Variants in TAFA1 observed in about 807,000 individuals in gnomAD.
TAFA1 encodes TAFA chemokine like family member 1.
A neutral mutation model predicts 18.5 loss-of-function variants in TAFA1; 4 were observed. That is an observed-to-expected ratio of 0.22 (90% CI 0.11 to 0.49). The LOEUF (loss-of-function observed/expected upper bound fraction) is 0.49, where lower values mean the gene tolerates loss of function less well. Among genes scored for constraint, TAFA1 ranks in the 20% least tolerant of loss-of-function variants. The pLI is 0.98. For synonymous variants in TAFA1, 56 were observed against 55.2 expected, an observed-to-expected ratio of 1.01 and a Z score of -0.06; for missense variants, 147 against 169.0, an observed-to-expected ratio of 0.87 and a Z score of 0.72.
intron 2 of TAFA1, among the ~76,000 whole-genome samples, chr3:68,216,250 C>T (rs1011292917): frequency 1.3e-5 from 2 of 151,888 alleles, no homozygotes; most frequent in African/African-American, 4.8e-5. Flanking sequence ...TATGACAAAA[C>T]GCATTTGTCA....
At chr3:68,472,885 A>C (rs1207354548) in intron 3 of TAFA1, among the ~76,000 whole-genome samples, 2 of 152,182 alleles carry the variant, frequency 1.3e-5, no homozygotes, top group African/African-American at 4.8e-5. Context: ...TCAAGCTTTA[A>C]GCAGAAATAT....
chr3:68,473,302 C>T (rs1455974398), intron 3 of TAFA1, among the ~76,000 whole-genome samples: 2 of 152,178 alleles, frequency 1.3e-5, no homozygotes, highest in Non-Finnish European at 2.9e-5. Context: ...TAAGCTTCTT[C>T]CCATTGACCT....
intron 2 of TAFA1, among the ~76,000 whole-genome samples, chr3:68,339,209 C>G (rs2069037434): frequency 6.6e-6 from 1 of 152,232 alleles, no homozygotes; most frequent in South Asian, 2.1e-4. Context: ...TCCTTTTCTT[C>G]TCATGCTCAC....
intron 2 of TAFA1, among the ~76,000 whole-genome samples, chr3:68,401,431 G>C (rs187422156): frequency 6.6e-6 from 1 of 152,108 alleles, no homozygotes; most frequent in Admixed American, 6.6e-5. Flanking sequence ...AGAGAAAAAC[G>C]CATTGACTGG....
intron 2 of TAFA1, among the ~76,000 whole-genome samples, chr3:68,377,807 G>A (rs2069848291): frequency 6.6e-6 from 1 of 152,132 alleles, no homozygotes; most frequent in African/African-American, 2.4e-5. Flanking sequence ...TGCAGCATCA[G>A]GATTTTGTGC....
rs1487016320 is a variant in TAFA1, at chr3:68,146,607, A to C, written c.118+139863A>C. Reference sequence around the variant, plus strand: ...AAAGTCCTGCTATTTTTTAAAAAACATGTTTCTTATGGTTTACTCTAGAAT... The same window carrying C: ...AAAGTCCTGCTATTTTTTAAAAAACCTGTTTCTTATGGTTTACTCTAGAAT... On this transcript the variant is annotated intron_variant, in intron 2 of 4. Transcript: ENST00000478136. 4.6e-5 allele frequency among the ~76,000 whole-genome samples: 7 copies of C among 152,336 alleles called. No individual in the cohort carries two copies. The East Asian group carries it at 9.7e-4, about 21-fold the overall frequency.
Position 68,226,516 on chromosome 3 carries a change from A to C in TAFA1, c.119-190764A>C, listed in dbSNP as rs555906697. The stretch of plus-strand genomic sequence containing the variant: ...TTGGTGAAGTTCCAATATAGGAGAC[A>C]CAAGTGGTTAATGAAAATAAAACTT... On this transcript the variant is annotated intron_variant, in intron 2 of 4. Coordinates refer to ENST00000478136, the MANE Select transcript of TAFA1 (RefSeq NM_213609.4). 1.1e-4 allele frequency among the ~76,000 whole-genome samples: 16 copies of C among 152,280 alleles called. 1 individual carries two copies. In the South Asian group the frequency reaches 3.3e-3, roughly 32 times the overall value.
At chr3:68,232,480 C>T (rs1031667594) in intron 2 of TAFA1, among the ~76,000 whole-genome samples, 2 of 152,144 alleles carry the variant, frequency 1.3e-5, no homozygotes, top group Admixed American at 1.3e-4. Context: ...GGTTGCTTCT[C>T]TATTTTGGCT....
At chr3:68,355,887 C>A (rs1421320778) in intron 2 of TAFA1, among the ~76,000 whole-genome samples, 1 of 151,918 alleles carries the variant, frequency 6.6e-6, no homozygotes, top group Admixed American at 6.6e-5. Flanking sequence ...AGTTGTACGG[C>A]AAACTGGTAG....
chr3:68,146,355 T>A (rs1005026251), intron 2 of TAFA1, among the ~76,000 whole-genome samples: 3 of 152,196 alleles, frequency 2.0e-5, no homozygotes, highest in African/African-American at 7.2e-5. Flanking sequence ...TATCTTTAGA[T>A]GCCGTCTTTC....
At chr3:68,347,302 G>A (rs1260370365) in intron 2 of TAFA1, among the ~76,000 whole-genome samples, 1 of 152,014 alleles carries the variant, frequency 6.6e-6, no homozygotes, top group Non-Finnish European at 1.5e-5. Flanking sequence ...CTTGCTATCC[G>A]CTCCCTTGCT....
At chr3:68,342,782 C>T (rs1185509449) in intron 2 of TAFA1, among the ~76,000 whole-genome samples, 1 of 152,160 alleles carries the variant, frequency 6.6e-6, no homozygotes, top group Non-Finnish European at 1.5e-5. Context: ...GTCTACATCC[C>T]TTGTGCTTAG....
At chr3:68,000,617 G>C (rs760412987), upstream of TAFA1, among the ~76,000 whole-genome samples, 1 of 152,166 alleles carries the variant, frequency 6.6e-6, no homozygotes, top group Non-Finnish European at 1.5e-5. Context: ...CTATTGAAAG[G>C]CTTTTAAGTA....
chr3:68,080,535 C>G (rs2064883952), intron 2 of TAFA1, among the ~76,000 whole-genome samples: 1 of 151,852 alleles, frequency 6.6e-6, no homozygotes, highest in Non-Finnish European at 1.5e-5. Context: ...TCAGCATTTG[C>G]TTGTCTGTAA....
intron 3 of TAFA1, among the ~76,000 whole-genome samples, chr3:68,436,039 C>T (rs553771223): frequency 7.2e-5 from 11 of 152,204 alleles, no homozygotes; most frequent in Admixed American, 2.0e-4. Context: ...TAAGGGATAA[C>T]CAGAGTTGAG....
intron 2 of TAFA1, among the ~76,000 whole-genome samples, chr3:68,110,965 T>G (rs1160421229): frequency 1.3e-5 from 2 of 152,156 alleles, no homozygotes; most frequent in Non-Finnish European, 2.9e-5. Flanking sequence ...TCACAAAGAC[T>G]TCATCACAGT....
intron 2 of TAFA1, among the ~76,000 whole-genome samples, chr3:68,336,242 CTA>C (rs2106741889): frequency 6.6e-6 from 1 of 152,314 alleles, no homozygotes; most frequent in South Asian, 2.1e-4. Context: ...TAAATGCTGA[CTA>C]TGATTATTTT....
intron 2 of TAFA1, among the ~76,000 whole-genome samples, chr3:68,208,399 G>A (rs1559559106): frequency 6.6e-6 from 1 of 151,938 alleles, no homozygotes; most frequent in Non-Finnish European, 1.5e-5. Context: ...TTGGCCCCAA[G>A]AAACTTCTGG....
At chr3:68,035,016 A>C (rs1478134369) in intron 2 of TAFA1, among the ~76,000 whole-genome samples, 1 of 152,134 alleles carries the variant, frequency 6.6e-6, no homozygotes, top group Non-Finnish European at 1.5e-5. Context: ...CCCAATATTT[A>C]CAGATAGGGC....
Sources: allele counts gnomAD v4.1 joint callset (sites outside exome capture counted in the v4.1 genomes callset), GRCh38; gene constraint gnomAD v4.1.1; transcripts MANE v1.5; gene names NCBI Gene and HGNC (gene_info 2026-07-23, HGNC 2026-07-21).